Variants in TSHZ3 observed in about 807,000 individuals in gnomAD.
The protein encoded by TSHZ3 is teashirt homolog 3.
Under a neutral mutation model 64.5 loss-of-function variants are expected in TSHZ3, and 10 were observed. That is an observed-to-expected ratio of 0.16 (90% CI 0.10 to 0.26). The LOEUF is 0.26. Among genes scored for constraint, TSHZ3 ranks in the 10% least tolerant of loss-of-function variants. The pLI is 1.00. For synonymous variants in TSHZ3, 608 were observed against 593.1 expected (o/e 1.03, Z -0.36); for missense variants, 1,242 against 1,421.7 (o/e 0.87, Z 2.03).
intron 1 of TSHZ3, among the ~76,000 whole-genome samples, chr19:31,298,015 C>T (rs1212202362): frequency 1.3e-5 from 2 of 152,146 alleles, no homozygotes; most frequent in South Asian, 2.1e-4. Context: ...GCCACCACCT[C>T]GGGCGCAGGG....
intron 5 of TSHZ3, among the ~76,000 whole-genome samples, chr19:31,201,862 A>G (rs544224794): frequency 2.6e-5 from 4 of 152,334 alleles, no homozygotes; most frequent in African/African-American, 7.2e-5. Context: ...TATTTGCCAA[A>G]TTAAAAACCC....
At chr19:31,335,952 G>A (rs1917230624) in intron 1 of TSHZ3, among the ~76,000 whole-genome samples, 3 of 152,228 alleles carry the variant, frequency 2.0e-5, no homozygotes, top group Admixed American at 1.3e-4. Flanking sequence ...GTCAGGGACG[G>A]AGTCCCTAGT....
In TSHZ3 at chr19:31,172,763, C is replaced by G. The variant is rs143594964; in HGVS notation, n.810-16346G>C. On this transcript the variant is annotated intron_variant and non_coding_transcript_variant, in intron 5 of 6. Coordinates refer to the TSHZ3 transcript ENST00000651361. ...GCAGCGGCAATGTAAATAGGATGAACAAGATCAGGCTCATTGAGGAGAGGT... is the reference window on the plus strand; with the variant it reads ...GCAGCGGCAATGTAAATAGGATGAAGAAGATCAGGCTCATTGAGGAGAGGT... Among the ~76,000 whole-genome samples the G allele has an allele frequency of 7.5e-3, 1,141 of 152,268 alleles. 14 individuals carry two copies. The highest frequency in any genetic ancestry group is 0.026 in the African/African-American group (1,076 of 41,544).
intron 1 of TSHZ3, among the ~76,000 whole-genome samples, chr19:31,293,736 A>G (rs1976615331): frequency 6.6e-6 from 1 of 152,186 alleles, no homozygotes; most frequent in South Asian, 2.1e-4. Flanking sequence ...AGAGTCGCTG[A>G]TCCTGTGCAT....
At chr19:31,336,233 A>G (rs1917237731) in intron 1 of TSHZ3, among the ~76,000 whole-genome samples, 1 of 152,220 alleles carries the variant, frequency 6.6e-6, no homozygotes. Flanking sequence ...CAATTCCTCC[A>G]GAATATTTTA....
chr19:31,157,911 G>A (rs763351983), intron 5 of TSHZ3, among the ~76,000 whole-genome samples: 5 of 152,306 alleles, frequency 3.3e-5, no homozygotes, highest in East Asian at 3.9e-4. Flanking sequence ...TTCTAAGACC[G>A]CTTTTCCCAG....
At chr19:31,242,475 G>T (rs751598072) in exon 3 of TSHZ3, among the ~76,000 whole-genome samples, 4 of 152,186 alleles carry the variant, frequency 2.6e-5, no homozygotes, top group African/African-American at 4.8e-5. Context: ...AGAATCTGGA[G>T]TTCTGATGTC....
intron 4 of TSHZ3, among the ~76,000 whole-genome samples, chr19:31,218,746 A>C (rs1975363432): frequency 6.6e-6 from 1 of 152,232 alleles, no homozygotes; most frequent in Admixed American, 6.5e-5. Context: ...CAGCCATAAA[A>C]AAGGCCTGGA....
chr19:31,267,519 C>T (rs913199541), intron 1 of TSHZ3, among the ~76,000 whole-genome samples: 2 of 152,154 alleles, frequency 1.3e-5, no homozygotes, highest in Non-Finnish European at 2.9e-5. Flanking sequence ...GCACAAGGCA[C>T]CATCTCCTCA....
At chr19:31,196,921 A>C (rs894655088) in intron 5 of TSHZ3, among the ~76,000 whole-genome samples, 1 of 151,976 alleles carries the variant, frequency 6.6e-6, no homozygotes, top group Non-Finnish European at 1.5e-5. Context: ...AAAATTAGTA[A>C]GAACACAGTT....
rs1941782541 is a variant in TSHZ3, at chr19:31,276,501, A to C, written c.*46T>G. 1 of 1,507,818 alleles carries C rather than the reference A, an allele frequency of 6.6e-7. No individual in the cohort carries two copies. The highest frequency in any genetic ancestry group is 1.4e-5 in the African/African-American group (1 of 71,554). The allele number at this position is 1,507,818 out of a possible 1,614,324, so 93.4% of individuals were successfully genotyped here. A position where few individuals can be genotyped will look rare whatever the true frequency, so the allele number is the denominator to read the frequency against. On this transcript the variant is annotated 3_prime_UTR_variant, in exon 2 of 2. Coordinates refer to ENST00000240587, the MANE Select transcript of TSHZ3 (RefSeq NM_020856.4). ...GAGGGGGCCTGAAGGTGCCTTCCAC[A>C]GTTTCCCTCAAAGCAAACTGCAGTC... is the stretch of plus-strand genomic sequence containing the variant.
At chr19:31,285,477 CA>C (rs397859442) in intron 1 of TSHZ3, among the ~76,000 whole-genome samples, 4,602 of 132,512 alleles carry the variant, frequency 0.035, 104 homozygotes, top group African/African-American at 0.062. Flanking sequence ...GATTCTGTCT[CA>C]AAAAAAAAAA....
At chr19:31,187,964 A>G (rs538412929) in intron 5 of TSHZ3, among the ~76,000 whole-genome samples, 1 of 152,174 alleles carries the variant, frequency 6.6e-6, no homozygotes, top group African/African-American at 2.4e-5. Context: ...AGTCTGCTGG[A>G]ATTTCTATTT....
chr19:31,225,100 A>G (rs1975442948), intron 4 of TSHZ3, among the ~76,000 whole-genome samples: 1 of 152,214 alleles, frequency 6.6e-6, no homozygotes, highest in Non-Finnish European at 1.5e-5. Flanking sequence ...GCAACCTCCT[A>G]AATCAGAAAA....
intron 1 of TSHZ3, chr19:31,308,843 A>C: frequency 2.5e-6 from 1 of 394,352 alleles, no homozygotes; most frequent in Non-Finnish European, 4.5e-6. Context: ...AATGAGAGAA[A>C]ATGAGGCCCC....
At chr19:31,270,184 G>T (rs8102645), downstream of TSHZ3, among the ~76,000 whole-genome samples, 50,223 of 152,154 alleles carry the variant, frequency 0.33, 12,692 homozygotes, top group African/African-American at 0.7. Context: ...ATCAGAGATA[G>T]TAGCATGTGA....
At chr19:31,166,758 T>C (rs1974458151) in intron 5 of TSHZ3, among the ~76,000 whole-genome samples, 1 of 152,126 alleles carries the variant, frequency 6.6e-6, no homozygotes, top group Admixed American at 6.6e-5. Flanking sequence ...CATCATAAGC[T>C]TCCCCAAAAG....
At chr19:31,174,552 C>T (rs1974581882) in intron 5 of TSHZ3, among the ~76,000 whole-genome samples, 1 of 152,236 alleles carries the variant, frequency 6.6e-6, no homozygotes, top group African/African-American at 2.4e-5. Context: ...TGAACCATCA[C>T]ACCTGGTGTG....
intron 1 of TSHZ3, among the ~76,000 whole-genome samples, chr19:31,267,556 C>A (rs1342192236): frequency 6.6e-6 from 1 of 152,178 alleles, no homozygotes; most frequent in Admixed American, 6.5e-5. Flanking sequence ...CCTGCCCCCA[C>A]TCCATCCACC....
Sources: allele counts gnomAD v4.1 joint callset (sites outside exome capture counted in the v4.1 genomes callset), GRCh38; gene constraint gnomAD v4.1.1; transcripts MANE v1.5; gene names NCBI Gene and HGNC (gene_info 2026-07-23, HGNC 2026-07-21).